Variants in MAJIN observed in about 807,000 individuals in gnomAD.
MAJIN encodes the protein membrane-anchored junction protein.
A neutral mutation model predicts 30.2 loss-of-function variants in MAJIN; 27 were observed. That is an observed-to-expected ratio of 0.89 (90% CI 0.66 to 1.23). The LOEUF is 1.23. Among genes scored for constraint, MAJIN ranks in the 50% most tolerant of loss-of-function variants. The probability of loss-of-function intolerance (pLI) is 0.00; values close to 1 mark genes in which losing one functional copy is unlikely to be tolerated. For synonymous variants in MAJIN, 78 were observed against 91.6 expected (o/e 0.85, Z 0.85); for missense variants, 253 against 260.3 (o/e 0.97, Z 0.19).
At chr11:64,944,763 T>G (rs1344741770) in intron 8 of MAJIN, among the ~76,000 whole-genome samples, 2 of 152,152 alleles carry the variant, frequency 1.3e-5, no homozygotes, top group African/African-American at 2.4e-5. Flanking sequence ...GTTGTTTGTG[T>G]TTGGATACTT....
intron 1 of MAJIN, among the ~76,000 whole-genome samples, chr11:64,971,647 C>A (rs1011651244): frequency 2.0e-5 from 3 of 152,018 alleles, no homozygotes; most frequent in Admixed American, 2.0e-4. Flanking sequence ...GCCTGCGACC[C>A]GCGCTCCGGT....
intron 3 of MAJIN, among the ~76,000 whole-genome samples, chr11:64,957,096 G>C (rs1945648211): frequency 6.7e-6 from 1 of 148,446 alleles, no homozygotes; most frequent in African/African-American, 2.5e-5. Flanking sequence ...TTTTGAAGTT[G>C]AGACAAGGTC....
At chr11:64,965,056 T>C (rs1945785166) in intron 1 of MAJIN, among the ~76,000 whole-genome samples, 1 of 152,244 alleles carries the variant, frequency 6.6e-6, no homozygotes, top group African/African-American at 2.4e-5. Flanking sequence ...TAGTACTTAG[T>C]ACACAGATTA....
At position 64,947,381 on chromosome 11, in the gene MAJIN, G is replaced by T; in HGVS notation, c.466C>A (p.Leu156Met). ...TCTCCCCACACCACTGACCTGTCCA[G>T]CCCTGGCCTGCTGGGGGAGCTGGGC... ...DEPSSPSRPG[L>M]DRIGKEKPNK... The change falls in exon 8 of 11, where the codon CTG becomes ATG. Residue 156 changes from leucine (L) to methionine (M), a missense_variant. Leu to Met is a conservative substitution (Grantham distance 15). Coordinates refer to ENST00000301896, the MANE Select transcript of MAJIN (RefSeq NM_001037225.3). The T allele has an allele frequency of 6.2e-7, 1 of 1,613,174 alleles. No individual in the cohort carries two copies.
At chr11:64,946,163 G>A in intron 8 of MAJIN, 1 of 1,533,884 alleles carries the variant, frequency 6.5e-7, no homozygotes, top group Non-Finnish European at 8.7e-7. Flanking sequence ...CCTGAGGTGG[G>A]GGGAAAATAT....
intron 1 of MAJIN, among the ~76,000 whole-genome samples, chr11:64,962,789 C>A (rs542615124): frequency 6.6e-6 from 1 of 152,238 alleles, no homozygotes; most frequent in African/African-American, 2.4e-5. Context: ...AACGTTAGCA[C>A]TTACGATAGA....
chr11:64,949,694 G>A (rs779552409), intron 6 of MAJIN, 49 bp downstream of exon 6: 1 of 1,602,186 alleles, frequency 6.2e-7, no homozygotes, highest in Admixed American at 1.7e-5. Context: ...AGCTGGCACA[G>A]CTAAACCATT....
chr11:64,945,545 C>CT (rs1290805686), intron 8 of MAJIN, among the ~76,000 whole-genome samples: 5 of 151,548 alleles, frequency 3.3e-5, no homozygotes, highest in Admixed American at 6.6e-5. Flanking sequence ...GAGAGGATTT[C>CT]TTTTTTTTAA....
intron 8 of MAJIN, among the ~76,000 whole-genome samples, chr11:64,941,081 G>A (rs1024328457): frequency 4.0e-5 from 6 of 151,896 alleles, no homozygotes; most frequent in Non-Finnish European, 8.8e-5. Context: ...CTCATGATCT[G>A]CCTGCCTCGG....
At position 64,966,145 on chromosome 11, in the gene MAJIN, G is replaced by GAAAAAAAAAAAAAAAAAAA. The variant is rs58387921; in HGVS notation, c.-65+5713_-65+5731dup. Among the ~76,000 whole-genome samples the GAAAAAAAAAAAAAAAAAAA allele has an allele frequency of 4.4e-4, 25 of 57,120 alleles. 1 individual carries two copies. The highest frequency in any genetic ancestry group is 4.8e-4 in the African/African-American group (7 of 14,452). 37.5% of individuals were successfully genotyped at this position (57,120 alleles called of 152,430 possible). On this transcript the variant is annotated intron_variant, in intron 1 of 10. Transcript: ENST00000301896. ...ACATGTAAGGAAGAAGATTAAAAAT[G>GAAAAAAAAAAAAAAAAAAA]AAAAAAAAAAAAAAAAAAAAGCAGC... is the stretch of plus-strand genomic sequence containing the variant.
intron 6 of MAJIN, among the ~76,000 whole-genome samples, chr11:64,948,614 TATATATATATATATATATATATATA>T (rs1434074959): frequency 8.0e-4 from 29 of 36,404 alleles, no homozygotes; most frequent in African/African-American, 4.3e-3. Context: ...TATATATATA[TATATATATATATATATATATATATA>T]TTTTTTTTTT....
chr11:64,948,604 TATATATA>T (rs1194931456), intron 6 of MAJIN, among the ~76,000 whole-genome samples: 619 of 21,446 alleles, frequency 0.029, 67 homozygotes, highest in African/African-American at 0.087. Context: ...GGCTACATCA[TATATATA>T]TATATATATA....
intron 3 of MAJIN, among the ~76,000 whole-genome samples, chr11:64,959,093 C>CAAAAAAAA (rs34562472): frequency 1.9e-5 from 1 of 53,584 alleles, no homozygotes; most frequent in African/African-American, 6.8e-5. Context: ...TGCTTCTCTT[C>CAAAAAAAA]AAAAAAAAAA....
chr11:64,946,242 G>A, intron 8 of MAJIN: 4 of 1,379,756 alleles, frequency 2.9e-6, no homozygotes, highest in Admixed American at 2.5e-5. Context: ...GAATATTTCA[G>A]CAGGTTGGCT....
At chr11:64,941,891 G>A (rs1323199096) in intron 8 of MAJIN, among the ~76,000 whole-genome samples, 1 of 152,172 alleles carries the variant, frequency 6.6e-6, no homozygotes, top group Non-Finnish European at 1.5e-5. Context: ...TGAGGGTACA[G>A]TGCCATTAAA....
chr11:64,966,145 G>GAAAAAAAA (rs58387921), intron 1 of MAJIN, among the ~76,000 whole-genome samples: 4,111 of 57,000 alleles, frequency 0.072, 827 homozygotes, highest in Middle Eastern at 0.1. Context: ...GATTAAAAAT[G>GAAAAAAAA]AAAAAAAAAA....
At chr11:64,969,150 G>A (rs530143660) in intron 1 of MAJIN, among the ~76,000 whole-genome samples, 1 of 152,302 alleles carries the variant, frequency 6.6e-6, no homozygotes, top group East Asian at 1.9e-4. Context: ...AATAATTCTA[G>A]GGAAAGAGAT....
Position 64,950,404 on chromosome 11 carries a change from G to A in MAJIN, c.174C>T (p.Asn58=), listed in dbSNP as rs1267140676. 6.2e-6 allele frequency: 10 copies of A among 1,608,424 alleles called. No individual in the cohort carries two copies. The highest frequency in any genetic ancestry group is 2.2e-5 in the East Asian group (1 of 44,728). Residue 58 remains asparagine (N), a synonymous_variant, in exon 5 of 11, where the codon AAC becomes AAT. Coordinates refer to ENST00000301896, the MANE Select transcript of MAJIN (RefSeq NM_001037225.3). ...TAGCAAAGGGCTGAAGATTGTCCAAGTTTCCCAAGACCACGCGGACAGAAT... is the reference window on the plus strand; with the variant it reads ...TAGCAAAGGGCTGAAGATTGTCCAAATTTCCCAAGACCACGCGGACAGAAT... The part of the protein sequence containing the change: ...LEDSVRVVLG[N]LDNLQPFATE...
intron 1 of MAJIN, among the ~76,000 whole-genome samples, chr11:64,966,159 A>AAAAAAAAAAAAAAC (rs1945806052): frequency 6.7e-6 from 1 of 149,944 alleles, no homozygotes; most frequent in Admixed American, 6.6e-5. Context: ...AAAAAAAAAA[A>AAAAAAAAAAAAAAC]AAAAAAGCAG....
Sources: gnomAD v4.1 joint callset for allele counts (sites outside exome capture counted in the v4.1 genomes callset) on GRCh38, gnomAD v4.1.1 for gene constraint, MANE v1.5 for transcripts, NCBI Gene and HGNC (gene_info 2026-07-23, HGNC 2026-07-21) for gene names.